PTPRG: variants seen among roughly 807,000 people sequenced by gnomAD.
The protein encoded by PTPRG is protein tyrosine phosphatase receptor type G.
A neutral mutation model predicts 165.3 loss-of-function variants in PTPRG; 102 were observed. The observed-to-expected ratio is 0.62, with a 90% CI of 0.53 to 0.73. The LOEUF (loss-of-function observed/expected upper bound fraction) is 0.73, where lower values mean the gene tolerates loss of function less well. Ranked by LOEUF, PTPRG falls within the 30% of genes least tolerant of loss-of-function variation. The pLI is 0.00. For synonymous variants in PTPRG, 675 were observed against 669.5 expected (o/e 1.01, Z -0.13); for missense variants, 1,866 against 1,861.4 (o/e 1.00, Z -0.05).
intron 7 of PTPRG, among the ~76,000 whole-genome samples, chr3:62,161,974 T>C (rs1704782993): frequency 6.6e-6 from 1 of 152,218 alleles, no homozygotes; most frequent in Non-Finnish European, 1.5e-5. Context: ...GTGCTAATAA[T>C]GGACCGTGGT....
chr3:61,999,318 G>T (rs2041114278), intron 3 of PTPRG, among the ~76,000 whole-genome samples: 1 of 152,022 alleles, frequency 6.6e-6, no homozygotes, highest in Admixed American at 6.6e-5. Flanking sequence ...AAGCGCTGGG[G>T]TTATAAGCAC....
chr3:61,954,270 T>A (rs187222331), intron 2 of PTPRG, among the ~76,000 whole-genome samples: 2 of 152,332 alleles, frequency 1.3e-5, no homozygotes, highest in African/African-American at 4.8e-5. Flanking sequence ...GTTCATTTTT[T>A]AATAACCCTT....
At chr3:62,154,158 G>T (rs1334484273) in intron 6 of PTPRG, among the ~76,000 whole-genome samples, 1 of 152,180 alleles carries the variant, frequency 6.6e-6, no homozygotes, top group Non-Finnish European at 1.5e-5. Context: ...TATTTGAGTT[G>T]CTGGGGTCTT....
At chr3:61,824,505 A>G (rs923544652) in intron 2 of PTPRG, among the ~76,000 whole-genome samples, 1 of 152,224 alleles carries the variant, frequency 6.6e-6, no homozygotes, top group Non-Finnish European at 1.5e-5. Flanking sequence ...TGCTTTGAGG[A>G]TTTTCAATCT....
intron 4 of PTPRG, among the ~76,000 whole-genome samples, chr3:62,053,105 T>C (rs1700515678): frequency 6.7e-6 from 1 of 150,338 alleles, no homozygotes; most frequent in Non-Finnish European, 1.5e-5. Context: ...CTGGCTTTGA[T>C]TTTTTTTTTC....
rs142356068 is a variant in PTPRG at position 61,761,784 on chromosome 3, G to A, written c.190+12802G>A. On this transcript the variant is annotated intron_variant, in intron 2 of 29. Transcript: ENST00000474889. ...GCTTGAAAGCCTTTTTCTGGGGGAGGAAAACAACCTTCTTCTTAAAGCTGC... is the reference window on the plus strand; with the variant it reads ...GCTTGAAAGCCTTTTTCTGGGGGAGAAAAACAACCTTCTTCTTAAAGCTGC... Among the ~76,000 whole-genome samples the A allele has an allele frequency of 9.5e-3, 1,444 of 152,222 alleles. 13 individuals carry two copies. The highest frequency in any genetic ancestry group is 0.015 in the Non-Finnish European group (1,054 of 68,012).
At chr3:61,947,099 G>C (rs1187676378) in intron 2 of PTPRG, among the ~76,000 whole-genome samples, 1 of 152,116 alleles carries the variant, frequency 6.6e-6, no homozygotes, top group African/African-American at 2.4e-5. Context: ...GACCGACCAG[G>C]GTGGCAGCGT....
chr3:61,630,545 G>C (rs1388495952), intron 1 of PTPRG, among the ~76,000 whole-genome samples: 2 of 152,046 alleles, frequency 1.3e-5, no homozygotes, highest in Non-Finnish European at 2.9e-5. Context: ...AACAGTTTCT[G>C]TTTTTCTTTG....
At chr3:61,892,220 C>T (rs2038234168) in intron 2 of PTPRG, among the ~76,000 whole-genome samples, 1 of 152,082 alleles carries the variant, frequency 6.6e-6, no homozygotes, top group Non-Finnish European at 1.5e-5. Context: ...CAGCCCATAC[C>T]ACGTGATTTT....
chr3:62,003,694 C>G (rs532954967), intron 4 of PTPRG, among the ~76,000 whole-genome samples, 197 bp downstream of exon 4: 1 of 152,176 alleles, frequency 6.6e-6, no homozygotes. Flanking sequence ...TGGAGAAACA[C>G]AGAAGCCACA....
At chr3:61,960,214 T>C (rs2040120352) in intron 2 of PTPRG, among the ~76,000 whole-genome samples, 1 of 152,152 alleles carries the variant, frequency 6.6e-6, no homozygotes, top group African/African-American at 2.4e-5. Flanking sequence ...TGTTCTGCCT[T>C]GTTCATCTTG....
chr3:62,010,864 T>C (rs1488317847), intron 4 of PTPRG, among the ~76,000 whole-genome samples: 1 of 152,200 alleles, frequency 6.6e-6, no homozygotes, highest in African/African-American at 2.4e-5. Context: ...CCTGGAATTA[T>C]TACAGGTGAT....
intron 5 of PTPRG, among the ~76,000 whole-genome samples, chr3:62,092,059 CA>C (rs1296490817): frequency 7.8e-6 from 1 of 128,832 alleles, no homozygotes; most frequent in Non-Finnish European, 1.6e-5. Flanking sequence ...ACCCCTTATA[CA>C]TGGACACACA....
At chr3:62,004,044 G>T (rs1300798421) in intron 4 of PTPRG, among the ~76,000 whole-genome samples, 1 of 152,100 alleles carries the variant, frequency 6.6e-6, no homozygotes, top group Non-Finnish European at 1.5e-5. Flanking sequence ...CCATCCTGCT[G>T]GACAGAAGAA....
intron 3 of PTPRG, among the ~76,000 whole-genome samples, chr3:61,995,681 CGCCT>C (rs1421424493): frequency 1.7e-3 from 157 of 90,588 alleles, no homozygotes; most frequent in Admixed American, 3.1e-3. Context: ...CCTGCCCGCC[CGCCT>C]TCCTTCCTTC....
In PTPRG at chr3:62,203,462, C is replaced by T. The variant is rs761487116; in HGVS notation, c.1667C>T (p.Thr556Ile). ...GCGGCTAGGCCAGTCCTAGCCACCA[C>T]AGAGGCCTTGGCTTCTCCAGGGCCC... is the stretch of plus-strand genomic sequence containing the variant. Reference protein sequence around the residue: ...KQAARPVLATTEALASPGPDG... With the variant: ...KQAARPVLATIEALASPGPDG... Residue 556 changes from threonine (T) to isoleucine (I), a missense_variant, in exon 12 of 30, where the codon ACA becomes ATA. Thr to Ile is a moderately conservative substitution (Grantham distance 89, BLOSUM62 -1). This residue lies in a region of PTPRG where 1,452 missense variants were observed against 1,463.0 expected (regional missense o/e 0.99). Transcript: ENST00000474889. The surrounding 1 kb of genome is among the most constrained non-coding windows in gnomAD (Gnocchi z 6.4). 2 of 1,585,684 alleles carry T rather than the reference C, an allele frequency of 1.3e-6. No homozygotes were observed. The highest frequency in any genetic ancestry group is 1.8e-5 in the Admixed American group (1 of 55,698).
At chr3:61,967,476 G>C (rs1024400827) in intron 2 of PTPRG, among the ~76,000 whole-genome samples, 2 of 152,042 alleles carry the variant, frequency 1.3e-5, no homozygotes, top group African/African-American at 2.4e-5. Flanking sequence ...CATAGGAATG[G>C]TCTCACGCCT....
At chr3:61,995,084 C>CTTTTTTT (rs761499179) in intron 3 of PTPRG, among the ~76,000 whole-genome samples, 38 of 35,402 alleles carry the variant, frequency 1.1e-3, no homozygotes, top group East Asian at 2.5e-3. Context: ...TTCTTTCTTT[C>CTTTTTTT]TTTTTTTTTT....
At chr3:61,745,199 C>T (rs938543496) in intron 1 of PTPRG, among the ~76,000 whole-genome samples, 6 of 151,932 alleles carry the variant, frequency 3.9e-5, no homozygotes, top group Non-Finnish European at 5.9e-5. Context: ...TGCAGGCGTG[C>T]CACCATGCCC....
Sources: gnomAD v4.1 joint callset for allele counts (sites outside exome capture counted in the v4.1 genomes callset) on GRCh38, gnomAD v4.1.1 for gene constraint, gnomAD v4.1.1 regional missense constraint, Gnocchi (gnomAD v3.1) non-coding constraint, MANE v1.5 for transcripts, NCBI Gene and HGNC (gene_info 2026-07-23, HGNC 2026-07-21) for gene names.